THSD4: variants seen among roughly 807,000 people sequenced by gnomAD.
THSD4 encodes thrombospondin type-1 domain-containing protein 4.
Under a neutral mutation model 119.0 loss-of-function variants are expected in THSD4, and 69 were observed. That is an observed-to-expected ratio of 0.58 (90% CI 0.48 to 0.71). The LOEUF is 0.71. Among genes scored for constraint, THSD4 ranks in the 30% least tolerant of loss-of-function variants. The pLI is 0.00. For missense variants in THSD4, 1,393 were observed against 1,391.1 expected (o/e 1.00, Z -0.02); for synonymous variants, 524 against 540.4 (o/e 0.97, Z 0.42).
At chr15:71,116,272 CT>C (rs1260283327) in intron 1 of THSD4, among the ~76,000 whole-genome samples, 1 of 152,286 alleles carries the variant, frequency 6.6e-6, no homozygotes, top group Non-Finnish European at 1.5e-5. Flanking sequence ...TCCGCCAACT[CT>C]GGACACTTCC....
chr15:71,340,079 C>T (rs1476942317), intron 6 of THSD4, among the ~76,000 whole-genome samples: 3 of 152,124 alleles, frequency 2.0e-5, no homozygotes, highest in Non-Finnish European at 4.4e-5. Context: ...CTTAGTTATT[C>T]TTGATGTTGA....
At chr15:71,749,697 T>TTATTTTTATTTA (rs61573060) in intron 14 of THSD4, among the ~76,000 whole-genome samples, 3 of 137,630 alleles carry the variant, frequency 2.2e-5, no homozygotes, top group Non-Finnish European at 1.6e-5. Context: ...ATTTTTAAAT[T>TTATTTTTATTTA]TTTATTTATT....
rs77493309 is a variant in THSD4 at position 71,771,805 on chromosome 15, T to C, written c.2914+597T>C. Among the ~76,000 whole-genome samples the C allele has an allele frequency of 8.0e-3, 1,220 of 152,196 alleles. 13 individuals carry two copies. The highest frequency in any genetic ancestry group is 0.028 in the African/African-American group (1,143 of 41,514). On this transcript the variant is annotated intron_variant, in intron 17 of 17. Transcript: ENST00000261862. ...AAGACCCCAACCTGCACCCTTGAAA[T>C]AGGGGCCAGTTTCCTGGAGGAAAGC...
At chr15:71,387,895 GGGGA>G (rs1362206541) in intron 6 of THSD4, among the ~76,000 whole-genome samples, 18 of 152,266 alleles carry the variant, frequency 1.2e-4, no homozygotes, top group African/African-American at 4.3e-4. Context: ...CCCTTGGCCA[GGGGA>G]CCTCTTGCTG....
chr15:71,332,816 G>A (rs531021746), intron 6 of THSD4, among the ~76,000 whole-genome samples: 16 of 150,924 alleles, frequency 1.1e-4, no homozygotes, highest in South Asian at 4.2e-4. Flanking sequence ...TGTCCAACCC[G>A]TGTCTTGTGG....
intron 6 of THSD4, among the ~76,000 whole-genome samples, chr15:71,359,681 G>C (rs1306901187): frequency 6.6e-6 from 1 of 152,124 alleles, no homozygotes; most frequent in African/African-American, 2.4e-5. Context: ...GTGATGGTGT[G>C]CACCTGTAGT....
At chr15:71,554,837 A>G (rs886922448) in intron 7 of THSD4, among the ~76,000 whole-genome samples, 1 of 152,192 alleles carries the variant, frequency 6.6e-6, no homozygotes, top group Non-Finnish European at 1.5e-5. Context: ...TTTCTTAAAA[A>G]GGCATAATAC....
At chr15:71,745,637 C>T (rs893581308) in intron 12 of THSD4, among the ~76,000 whole-genome samples, 2 of 152,104 alleles carry the variant, frequency 1.3e-5, no homozygotes, top group African/African-American at 4.8e-5. Flanking sequence ...AGGTCTTGAA[C>T]TGTTTCGGTT....
chr15:71,219,725 A>G (rs548644014), intron 4 of THSD4, among the ~76,000 whole-genome samples: 2 of 152,312 alleles, frequency 1.3e-5, no homozygotes, highest in Admixed American at 1.3e-4. Context: ...CAGTTACACA[A>G]CCCTGTGAGG....
chr15:71,425,176 C>G (rs1377446638), intron 7 of THSD4, among the ~76,000 whole-genome samples: 2 of 152,150 alleles, frequency 1.3e-5, no homozygotes, highest in African/African-American at 4.8e-5. Flanking sequence ...GTCCTTTACA[C>G]AAAAGTGATT....
intron 7 of THSD4, among the ~76,000 whole-genome samples, chr15:71,551,716 A>G (rs1383298467): frequency 1.3e-5 from 2 of 152,152 alleles, no homozygotes; most frequent in Non-Finnish European, 2.9e-5. Flanking sequence ...ATGACAACAC[A>G]TGGGAAATGT....
intron 6 of THSD4, among the ~76,000 whole-genome samples, chr15:71,301,455 C>T (rs2044949359): frequency 6.6e-6 from 1 of 152,066 alleles, no homozygotes; most frequent in Admixed American, 6.5e-5. Flanking sequence ...AACAATGTGA[C>T]TATCTTTGAA....
intron 6 of THSD4, among the ~76,000 whole-genome samples, chr15:71,372,515 C>T (rs2046068993): frequency 6.6e-6 from 1 of 152,372 alleles, no homozygotes; most frequent in African/African-American, 2.4e-5. Context: ...CCCTCAGCTG[C>T]AGGTCTGTTG....
intron 7 of THSD4, among the ~76,000 whole-genome samples, chr15:71,432,207 G>T (rs1328982032): frequency 6.6e-6 from 1 of 152,156 alleles, no homozygotes; most frequent in Non-Finnish European, 1.5e-5. Flanking sequence ...TTAACATACT[G>T]AGTATGCCTA....
At chr15:71,476,891 A>T (rs958318065) in intron 7 of THSD4, among the ~76,000 whole-genome samples, 5 of 152,134 alleles carry the variant, frequency 3.3e-5, no homozygotes, top group Non-Finnish European at 7.3e-5. Context: ...CAGCTGCCTC[A>T]TCAGTTATCT....
intron 7 of THSD4, among the ~76,000 whole-genome samples, chr15:71,510,392 GCTTAT>G (rs2048261837): frequency 6.6e-6 from 1 of 152,242 alleles, no homozygotes; most frequent in Admixed American, 6.5e-5. Flanking sequence ...CCCTCATGGA[GCTTAT>G]CTTTCAGAGG....
chr15:71,624,223 A>G (rs1418129251), intron 7 of THSD4, among the ~76,000 whole-genome samples: 2 of 152,194 alleles, frequency 1.3e-5, no homozygotes, highest in Non-Finnish European at 2.9e-5. Flanking sequence ...CCATCACCCA[A>G]TCAGTGGATA....
chr15:71,158,058 C>T (rs2040797635), intron 3 of THSD4, among the ~76,000 whole-genome samples: 1 of 151,282 alleles, frequency 6.6e-6, no homozygotes, highest in South Asian at 2.1e-4. Context: ...AAGGAGGCTC[C>T]TACTGTTGTT....
chr15:71,236,701 G>A (rs1020701879), intron 4 of THSD4, among the ~76,000 whole-genome samples: 8 of 152,354 alleles, frequency 5.3e-5, no homozygotes, highest in African/African-American at 1.4e-4. Flanking sequence ...GCTAGTCATT[G>A]TAGTAGGCTA....
Sources: allele counts gnomAD v4.1 joint callset (sites outside exome capture counted in the v4.1 genomes callset), GRCh38; gene constraint gnomAD v4.1.1; transcripts MANE v1.5; gene names NCBI Gene and HGNC (gene_info 2026-07-23, HGNC 2026-07-21).